Variants in SRF observed in about 807,000 individuals in gnomAD.
SRF encodes c-fos serum response element-binding transcription factor.
A neutral mutation model predicts 37.1 loss-of-function variants in SRF; 7 were observed. The observed-to-expected ratio is 0.19, with a 90% CI of 0.11 to 0.35. The LOEUF (loss-of-function observed/expected upper bound fraction) is 0.35, where lower values mean the gene tolerates loss of function less well. Among genes scored for constraint, SRF ranks in the 10% least tolerant of loss-of-function variants. The pLI, the probability that SRF is intolerant of heterozygous loss-of-function variation, is 1.00. For synonymous variants in SRF, 285 were observed against 310.1 expected, an observed-to-expected ratio of 0.92 and a Z score of 0.85; for missense variants, 395 against 694.4, an observed-to-expected ratio of 0.57 and a Z score of 4.85.
Position 43,172,029 on chromosome 6 carries a change from G to C in SRF, c.373G>C (p.Gly125Arg). The change falls in exon 1 of 7, where the codon GGG becomes CGG. Residue 125 changes from glycine (G) to arginine (R), a missense_variant. Physicochemically the swap from Gly to Arg is moderately radical, Grantham distance 125. Around this residue, in one of 4 missense-constraint regions of SRF, gnomAD observed 134 missense variants for 204.5 expected, o/e 0.66. Transcript: ENST00000265354. This position sits in a 1 kb window ranked among gnomAD's most constrained non-coding sequence, Gnocchi z 5.7. Reference sequence around the variant, plus strand: ...GTCGGCAGCGGCCACCGGGGGCTACGGGCCGGTGAGCGGCGCGGTGAGCGG... The same window carrying C: ...GTCGGCAGCGGCCACCGGGGGCTACCGGCCGGTGAGCGGCGCGGTGAGCGG... ...EASAAATGGYGPVSGAVSGAK... is the reference protein window; with the variant it reads ...EASAAATGGYRPVSGAVSGAK... The C allele has an allele frequency of 1.3e-6, 2 of 1,596,326 alleles. No homozygotes were observed. The highest frequency in any genetic ancestry group is 1.8e-5 in the Admixed American group (1 of 57,018).
chr6:43,178,892 G>C lies in SRF; in HGVS notation c.1431+10G>C, dbSNP rs373567050. On this transcript the variant is annotated intron_variant, in intron 6 of 6. Coordinates refer to ENST00000265354, the MANE Select transcript of SRF (RefSeq NM_003131.4). The surrounding 1 kb of genome is among the most constrained non-coding windows in gnomAD (Gnocchi z 4.3). Reference sequence around the variant, plus strand: ...AGTTCAGCTCCACCAGGTAGGTAGGGATATCTTTCACCCCATCCCAGATAG... The same window carrying C: ...AGTTCAGCTCCACCAGGTAGGTAGGCATATCTTTCACCCCATCCCAGATAG... 2.5e-6 allele frequency: 4 copies of C among 1,613,766 alleles called. No individual in the cohort carries two copies. In the East Asian group the frequency reaches 6.7e-5, roughly 27 times the overall value.
At position 43,172,721 on chromosome 6, in the gene SRF, C is replaced by A. The variant is rs1486576900; in HGVS notation, c.513+552C>A. Among the ~76,000 whole-genome samples, 1 of 152,152 alleles carries A rather than the reference C, an allele frequency of 6.6e-6. No homozygotes were observed. The highest frequency in any genetic ancestry group is 1.5e-5 in the Non-Finnish European group (1 of 68,022). On this transcript the variant is annotated intron_variant, in intron 1 of 6. Transcript: ENST00000265354. This position sits in a 1 kb window ranked among gnomAD's most constrained non-coding sequence, Gnocchi z 5.7. Reference sequence around the variant, plus strand: ...AGGGAGCGGGGCAGGAGAACTGGTGCTGCCCTGAGCAGCAGGAACCTAGTC... The same window carrying A: ...AGGGAGCGGGGCAGGAGAACTGGTGATGCCCTGAGCAGCAGGAACCTAGTC...
rs1472433876 is a variant in SRF, at chr6:43,179,268, C to T, written c.*78C>T. 2 of 1,494,846 alleles carry T rather than the reference C, an allele frequency of 1.3e-6. No individual in the cohort carries two copies. Among genetic ancestry groups the T allele is most frequent in the Admixed American group, 1.8e-5 (1 of 54,084 alleles). 92.6% of individuals were successfully genotyped at this position (1,494,846 alleles called of 1,614,324 possible). On this transcript the variant is annotated 3_prime_UTR_variant, in exon 7 of 7. Coordinates refer to ENST00000265354, the MANE Select transcript of SRF (RefSeq NM_003131.4). The surrounding 1 kb of genome is among the most constrained non-coding windows in gnomAD (Gnocchi z 5.3). ...GTTGCCTTTTCACGTTTTCTTTACA[C>T]ACACGTTGACGGGCCGCAGGAGGGA...
In SRF at chr6:43,178,164, A is replaced by T; in HGVS notation, c.1163-130A>T. 3.5e-6 allele frequency: 3 copies of T among 848,698 alleles called. No homozygotes were observed. The highest frequency in any genetic ancestry group is 5.2e-6 in the Non-Finnish European group (3 of 574,410). 52.6% of individuals were successfully genotyped at this position (848,698 alleles called of 1,614,324 possible). A position where few individuals can be genotyped will look rare whatever the true frequency, so the allele number is the denominator to read the frequency against. On this transcript the variant is annotated intron_variant, in intron 4 of 6. Transcript: ENST00000265354. The surrounding 1 kb of genome is among the most constrained non-coding windows in gnomAD (Gnocchi z 4.3). ...CTTTTCTTAGTTGATGATGGAGCTG[A>T]GGAATAGTCGTGTCTAGCTTCTGAC...
Position 43,175,703 on chromosome 6 carries a change from T to C in SRF, c.781-3T>C. 6.2e-7 allele frequency: 1 copy of C among 1,614,074 alleles called. No homozygotes were observed. The highest frequency in any genetic ancestry group is 1.1e-5 in the South Asian group (1 of 91,076). On this transcript the variant is annotated splice_region_variant and splice_polypyrimidine_tract_variant and intron_variant, in intron 2 of 6. Coordinates refer to ENST00000265354, the MANE Select transcript of SRF (RefSeq NM_003131.4). Reference sequence around the variant, plus strand: ...CATTGCTTCATCTTTACTCTGGGTATAGGACACACTGAAGCCGGCGTTCAC... The same window carrying C: ...CATTGCTTCATCTTTACTCTGGGTACAGGACACACTGAAGCCGGCGTTCAC...
rs899661941 is a variant in SRF, at chr6:43,179,264, TACAC to T, written c.*79_*82del. 12 of 1,523,556 alleles carry T rather than the reference TACAC, an allele frequency of 7.9e-6. No homozygotes were observed. The African/African-American group carries it at 1.6e-4, about 21-fold the overall frequency. 94.4% of individuals were successfully genotyped at this position (1,523,556 alleles called of 1,614,324 possible). On this transcript the variant is annotated 3_prime_UTR_variant, in exon 7 of 7. Transcript: ENST00000265354. The surrounding 1 kb of genome is among the most constrained non-coding windows in gnomAD (Gnocchi z 5.3). ...TATTGTTGCCTTTTCACGTTTTCTT[TACAC>T]ACACGTTGACGGGCCGCAGGAGGGA...
rs1462696852 is a variant in SRF at position 43,171,878 on chromosome 6, C to T, written c.222C>T (p.Ala74=). Residue 74 remains alanine (A), a synonymous_variant, in exon 1 of 7, where the codon GCC becomes GCT. Coordinates refer to ENST00000265354, the MANE Select transcript of SRF (RefSeq NM_003131.4). The surrounding 1 kb of genome is among the most constrained non-coding windows in gnomAD (Gnocchi z 6.5). ...AATTPAPTAG[A]LYSGSEGDSE... is the part of the protein sequence containing the mutation. Reference sequence around the variant, plus strand: ...CCACCCCGGCGCCCACCGCGGGGGCCCTCTACAGCGGCAGCGAGGGCGACT... The same window carrying T: ...CCACCCCGGCGCCCACCGCGGGGGCTCTCTACAGCGGCAGCGAGGGCGACT... 2.2e-6 allele frequency: 3 copies of T among 1,370,640 alleles called. No individual in the cohort carries two copies. The highest frequency in any genetic ancestry group is 1.7e-5 in the South Asian group (1 of 58,536). 84.9% of individuals were successfully genotyped at this position (1,370,640 alleles called of 1,614,324 possible). A position where few individuals can be genotyped will look rare whatever the true frequency, so the allele number is the denominator to read the frequency against.
chr6:43,174,413 G>C (rs1021108275), intron 2 of SRF, among the ~76,000 whole-genome samples: 1 of 152,244 alleles, frequency 6.6e-6, no homozygotes, highest in African/African-American at 2.4e-5. Flanking sequence ...CTAGGGGCGG[G>C]GGTGTAGTTT....
At position 43,176,974 on chromosome 6, in the gene SRF, G is replaced by A; in HGVS notation, c.1162+307G>A. 6.6e-6 allele frequency among the ~76,000 whole-genome samples: 1 copy of A among 152,192 alleles called. No individual in the cohort carries two copies. Among genetic ancestry groups the A allele is most frequent in the Non-Finnish European group, 1.5e-5 (1 of 68,032 alleles). On this transcript the variant is annotated intron_variant, in intron 4 of 6. Coordinates refer to ENST00000265354, the MANE Select transcript of SRF (RefSeq NM_003131.4). The surrounding 1 kb of genome is among the most constrained non-coding windows in gnomAD (Gnocchi z 4.0). ...AAAGACACATTTGCTTAATTATCAG[G>A]AAGGACTTAGAGAGCAATTTTCTCT...
In SRF at chr6:43,176,894, T is replaced by C. The variant is rs1011450349; in HGVS notation, c.1162+227T>C. On this transcript the variant is annotated intron_variant, in intron 4 of 6. Coordinates refer to ENST00000265354, the MANE Select transcript of SRF (RefSeq NM_003131.4). The surrounding 1 kb of genome is among the most constrained non-coding windows in gnomAD (Gnocchi z 4.0). ...AGAAGAAAATTGGGGACCATTGACC[T>C]ACCTCCTCATTCAGATGAGGAGCCT... Among the ~76,000 whole-genome samples the C allele has an allele frequency of 2.0e-5, 3 of 152,150 alleles. No individual in the cohort carries two copies. The highest frequency in any genetic ancestry group is 2.0e-4 in the Admixed American group (3 of 15,286).
chr6:43,172,151 G>A lies in SRF; in HGVS notation c.495G>A (p.Lys165=), dbSNP rs776714858. The A allele has an allele frequency of 5.6e-5, 90 of 1,611,348 alleles. No individual in the cohort carries two copies. The Middle Eastern group carries it at 2.6e-3, about 47-fold the overall frequency. Residue 165 remains lysine, a synonymous_variant, in exon 1 of 7, where the codon AAG becomes AAA. Transcript: ENST00000265354. The surrounding 1 kb of genome is among the most constrained non-coding windows in gnomAD (Gnocchi z 5.7). ...LRRYTTFSKR[K]TGIMKKAYEL... is the part of the protein sequence containing the mutation. Reference sequence around the variant, plus strand: ...GCTACACGACCTTCAGCAAGAGGAAGACGGGCATCATGAAGAAGGTACCAA... The same window carrying A: ...GCTACACGACCTTCAGCAAGAGGAAAACGGGCATCATGAAGAAGGTACCAA...
Position 43,178,660 on chromosome 6 carries a change from C to T in SRF, c.1355-146C>T. 2 of 1,192,590 alleles carry T rather than the reference C, an allele frequency of 1.7e-6. No homozygotes were observed. The highest frequency in any genetic ancestry group is 2.4e-6 in the Non-Finnish European group (2 of 817,338). 73.9% of individuals were successfully genotyped at this position (1,192,590 alleles called of 1,614,324 possible). A position where few individuals can be genotyped will look rare whatever the true frequency, so the allele number is the denominator to read the frequency against. On this transcript the variant is annotated intron_variant, in intron 5 of 6. Transcript: ENST00000265354. The surrounding 1 kb of genome is among the most constrained non-coding windows in gnomAD (Gnocchi z 4.3). Reference sequence around the variant, plus strand: ...CACCCCACTTGGACACTCACACCCGCATGCACCCTCAGACACACTGGCACC... The same window carrying T: ...CACCCCACTTGGACACTCACACCCGTATGCACCCTCAGACACACTGGCACC...
rs1354690113 is a variant in SRF at position 43,176,351 on chromosome 6, G to T, written c.1043-197G>T. ...GAGACAAGGCCCAGGGCAGGAGGAG[G>T]AGGGATGGGCAAGAGTAGAGCGTGG... On this transcript the variant is annotated intron_variant, in intron 3 of 6. Coordinates refer to ENST00000265354, the MANE Select transcript of SRF (RefSeq NM_003131.4). The surrounding 1 kb of genome is among the most constrained non-coding windows in gnomAD (Gnocchi z 4.0). Among the ~76,000 whole-genome samples the T allele has an allele frequency of 1.3e-5, 2 of 152,216 alleles. No homozygotes were observed. Among genetic ancestry groups the T allele is most frequent in the Non-Finnish European group, 2.9e-5 (2 of 68,048 alleles).
intron 4 of SRF, among the ~76,000 whole-genome samples, chr6:43,177,245 T>TTTTTTTTTTTTTTAG (rs1445271110): frequency 6.7e-6 from 1 of 149,250 alleles, no homozygotes; most frequent in Non-Finnish European, 1.5e-5. Context: ...TTTTTTTTTT[T>TTTTTTTTTTTTTTAG]GAGACGGAGT....
chr6:43,172,314 G>T lies in SRF; in HGVS notation c.513+145G>T. The T allele has an allele frequency of 7.0e-7, 1 of 1,432,894 alleles. No homozygotes were observed. The highest frequency in any genetic ancestry group is 2.7e-5 in the East Asian group (1 of 37,198). The allele number at this position is 1,432,894 out of a possible 1,614,324, so 88.8% of individuals were successfully genotyped here. A position where few individuals can be genotyped will look rare whatever the true frequency, so the allele number is the denominator to read the frequency against. On this transcript the variant is annotated intron_variant, in intron 1 of 6. Coordinates refer to ENST00000265354, the MANE Select transcript of SRF (RefSeq NM_003131.4). The surrounding 1 kb of genome is among the most constrained non-coding windows in gnomAD (Gnocchi z 5.7). ...TGTGGGAGGGGATGGCTCCTGCCCG[G>T]GGAGGGCCGAAGGGGAGGGGCCGCC...
Position 43,175,083 on chromosome 6 carries a change from G to A in SRF, c.781-623G>A, listed in dbSNP as rs193002570. Among the ~76,000 whole-genome samples the A allele has an allele frequency of 6.5e-4, 99 of 152,324 alleles. 1 individual carries two copies. The highest frequency in any genetic ancestry group is 5.4e-3 in the South Asian group (26 of 4,832). On this transcript the variant is annotated intron_variant, in intron 2 of 6. Coordinates refer to ENST00000265354, the MANE Select transcript of SRF (RefSeq NM_003131.4). ...ATCTTGGGTGTTTGACATATAGTGT[G>A]TCATTGCCAGATTCTCAAGATCTCT...
chr6:43,175,329 A>G (rs1346663930), intron 2 of SRF, among the ~76,000 whole-genome samples: 2 of 152,212 alleles, frequency 1.3e-5, no homozygotes, highest in South Asian at 2.1e-4. Context: ...TCCCCAGCCA[A>G]TGGGATTACC....
chr6:43,178,919 C>T lies in SRF; in HGVS notation c.1431+37C>T, dbSNP rs1298285733. On this transcript the variant is annotated intron_variant, in intron 6 of 6. Coordinates refer to ENST00000265354, the MANE Select transcript of SRF (RefSeq NM_003131.4). This position sits in a 1 kb window ranked among gnomAD's most constrained non-coding sequence, Gnocchi z 4.3. ...TATCTTTCACCCCATCCCAGATAGC[C>T]ACTTCTTTGTCTTGACCTTAGGGGA... 6.2e-7 allele frequency: 1 copy of T among 1,606,298 alleles called. No individual in the cohort carries two copies. The highest frequency in any genetic ancestry group is 1.3e-5 in the African/African-American group (1 of 74,768).
At position 43,176,106 on chromosome 6, in the gene SRF, G is replaced by T; in HGVS notation, c.1042+139G>T. The stretch of plus-strand genomic sequence containing the variant: ...GAATAGGGGCCAGAGCCTGAGCGAA[G>T]CCTCTTATATCCCGTTGGCAGGCAT... On this transcript the variant is annotated intron_variant, in intron 3 of 6. Coordinates refer to ENST00000265354, the MANE Select transcript of SRF (RefSeq NM_003131.4). The surrounding 1 kb of genome is among the most constrained non-coding windows in gnomAD (Gnocchi z 4.0). 3.2e-6 allele frequency: 4 copies of T among 1,242,294 alleles called. No homozygotes were observed. Among genetic ancestry groups the T allele is most frequent in the Middle Eastern group, 2.8e-4 (1 of 3,576 alleles). 77.0% of individuals were successfully genotyped at this position (1,242,294 alleles called of 1,614,324 possible). A position where few individuals can be genotyped will look rare whatever the true frequency, so the allele number is the denominator to read the frequency against.
Sources: allele counts gnomAD v4.1 joint callset (sites outside exome capture counted in the v4.1 genomes callset), GRCh38; gene constraint gnomAD v4.1.1; regional missense constraint gnomAD v4.1.1; non-coding constraint Gnocchi (gnomAD v3.1); transcripts MANE v1.5; gene names NCBI Gene and HGNC (gene_info 2026-07-23, HGNC 2026-07-21).